The following NPR1 variants were observed in gnomAD, a reference collection of about 807,000 sequenced individuals.
The protein encoded by NPR1 is natriuretic peptide receptor 1.
NPR1 carries 57 observed loss-of-function variants against 116.9 expected under a neutral mutation model. That is an observed-to-expected ratio of 0.49 (90% CI 0.39 to 0.61). The LOEUF (loss-of-function observed/expected upper bound fraction) is 0.61, where lower values mean the gene tolerates loss of function less well. Ranked by LOEUF, NPR1 falls within the 20% of genes least tolerant of loss-of-function variation. NPR1 has a pLI of 0.00. For synonymous variants in NPR1, 555 were observed against 601.6 expected (o/e 0.92, Z 1.13); for missense variants, 1,096 against 1,409.8 (o/e 0.78, Z 3.56).
intron 20 of NPR1, among the ~76,000 whole-genome samples, 187 bp downstream of exon 20, chr1:153,690,569 C>G (rs777904790): frequency 6.6e-6 from 1 of 152,044 alleles, no homozygotes; most frequent in Non-Finnish European, 1.5e-5. Flanking sequence ...GACTCAGGTT[C>G]CTGCTGCCCC....
chr1:153,679,647 G>A lies in NPR1; in HGVS notation c.539G>A (p.Arg180His), dbSNP rs1669705529. 1 of 1,600,564 alleles carries A rather than the reference G, an allele frequency of 6.2e-7. No homozygotes were observed. The highest frequency in any genetic ancestry group is 2.3e-5 in the East Asian group (1 of 44,382). ...AALHRRLGWE[R>H]QALMLYAYRP... is the part of the protein sequence containing the mutation. ...CTGCACCGACGGCTGGGCTGGGAGC[G>A]CCAAGCGCTCATGCTCTACGCCTAC... is the stretch of plus-strand genomic sequence containing the variant. Residue 180 changes from arginine to histidine, a missense_variant, in exon 1 of 22, where the codon CGC becomes CAC. Arg to His is a conservative substitution (Grantham distance 29). Transcript: ENST00000368680. This position sits in a 1 kb window ranked among gnomAD's most constrained non-coding sequence, Gnocchi z 4.2.
chr1:153,692,234 T>C (rs1670126876), intron 20 of NPR1, among the ~76,000 whole-genome samples: 1 of 152,202 alleles, frequency 6.6e-6, no homozygotes, highest in East Asian at 1.9e-4. Flanking sequence ...ACTATCAGCA[T>C]TTTACAGATT....
chr1:153,679,485 G>T lies in NPR1; in HGVS notation c.377G>T (p.Gly126Val). ...PGCVYAAAPV[G>V]RFTAHWRVPL... ...TGCGTGTACGCCGCCGCCCCAGTGG[G>T]GCGCTTCACCGCGCACTGGCGGGTC... The change falls in exon 1 of 22, where the codon GGG becomes GTG. Residue 126 changes from glycine to valine, a missense_variant. Coordinates refer to ENST00000368680, the MANE Select transcript of NPR1 (RefSeq NM_000906.4). The surrounding 1 kb of genome is among the most constrained non-coding windows in gnomAD (Gnocchi z 4.2). 1 of 1,539,780 alleles carries T rather than the reference G, an allele frequency of 6.5e-7. No homozygotes were observed. The highest frequency in any genetic ancestry group is 1.4e-5 in the African/African-American group (1 of 73,034).
In NPR1 at chr1:153,678,994, CGCTCCT is replaced by C. The variant is rs1669678399; in HGVS notation, c.-108_-103del. On this transcript the variant is annotated 5_prime_UTR_variant, in exon 1 of 22. Coordinates refer to ENST00000368680, the MANE Select transcript of NPR1 (RefSeq NM_000906.4). This position sits in a 1 kb window ranked among gnomAD's most constrained non-coding sequence, Gnocchi z 5.8. ...AGCCCCGGGGTGAGCGTCCCCGTCC[CGCTCCT>C]GCTCCTTCCCATAGGGACGCGCCTG... The C allele has an allele frequency of 7.9e-7, 1 of 1,267,702 alleles. No homozygotes were observed. The highest frequency in any genetic ancestry group is 1.0e-6 in the Non-Finnish European group (1 of 983,130). 78.5% of individuals were successfully genotyped at this position (1,267,702 alleles called of 1,614,324 possible). A position where few individuals can be genotyped will look rare whatever the true frequency, so the allele number is the denominator to read the frequency against.
rs1008482036 is a variant in NPR1, at chr1:153,679,925, C to A, written c.721+96C>A. The A allele has an allele frequency of 2.0e-5, 29 of 1,429,038 alleles. No homozygotes were observed. The African/African-American group carries it at 4.2e-4, about 21-fold the overall frequency. 88.5% of individuals were successfully genotyped at this position (1,429,038 alleles called of 1,614,324 possible). On this transcript the variant is annotated intron_variant, in intron 1 of 21. Coordinates refer to ENST00000368680, the MANE Select transcript of NPR1 (RefSeq NM_000906.4). The surrounding 1 kb of genome is among the most constrained non-coding windows in gnomAD (Gnocchi z 4.2). ...GGACTTTCTCTCTCATCTGGGGGCA[C>A]TCTTCTTTCTCCTCGCCGTTCTTCA...
intron 8 of NPR1, 61 bp downstream of exon 8, chr1:153,685,145 G>A: frequency 6.3e-7 from 1 of 1,589,908 alleles, no homozygotes; most frequent in East Asian, 2.3e-5. Context: ...AAGGGGCAGT[G>A]CCTGAGGGAT....
At chr1:153,681,133 G>T (rs1226705524) in intron 2 of NPR1, 47 bp from the exon 3 acceptor site, 1 of 1,203,960 alleles carries the variant, frequency 8.3e-7, no homozygotes, top group South Asian at 1.2e-5. Context: ...CAGTACTAGG[G>T]AATAGTCAGC....
rs1044306776 is a variant in NPR1 at position 153,690,247 on chromosome 1, C to T, written c.2933-37C>T. 36 of 1,510,226 alleles carry T rather than the reference C, an allele frequency of 2.4e-5. No individual in the cohort carries two copies. In the East Asian group the frequency reaches 3.7e-4, roughly 15 times the overall value. 93.6% of individuals were successfully genotyped at this position (1,510,226 alleles called of 1,614,324 possible). A position where few individuals can be genotyped will look rare whatever the true frequency, so the allele number is the denominator to read the frequency against. ...CCTTAACACCCCTCCCTCCCTCACT[C>T]GCTGATGGGCTCTGCTCCTTCCCTT... On this transcript the variant is annotated intron_variant, in intron 19 of 21. Transcript: ENST00000368680.
chr1:153,687,144 G>C (rs1669953873), intron 12 of NPR1, 56 bp from the exon 13 acceptor site: 1 of 1,613,848 alleles, frequency 6.2e-7, no homozygotes, highest in Non-Finnish European at 8.5e-7. Context: ...TGCTTCTCCT[G>C]GCCACGGGTG....
intron 15 of NPR1, chr1:153,688,590 T>C (rs1463067219): frequency 4.9e-6 from 2 of 405,918 alleles, no homozygotes; most frequent in Middle Eastern, 6.9e-4. Context: ...TTGATTTCCC[T>C]TCCCCAGCGT....
chr1:153,680,645 G>T lies in NPR1; in HGVS notation c.866G>T (p.Arg289Leu). The T allele has an allele frequency of 3.7e-6, 6 of 1,614,098 alleles. No homozygotes were observed. The highest frequency in any genetic ancestry group is 5.1e-6 in the Non-Finnish European group (6 of 1,180,004). ...CAAGGTGGACAGGGCCCTGCTCCCC[G>T]CAGGCCCTGGGAGAGAGGGGATGGG... Reference protein sequence around the residue: ...SLQGGQGPAPRRPWERGDGQD... With the variant: ...SLQGGQGPAPLRPWERGDGQD... The change falls in exon 2 of 22, where the codon CGC becomes CTC. Residue 289 changes from arginine (R) to leucine (L), a missense_variant. By Grantham distance (102) the Arg-to-Leu change is moderately radical (BLOSUM62 -2). Coordinates refer to ENST00000368680, the MANE Select transcript of NPR1 (RefSeq NM_000906.4).
At chr1:153,687,522 A>G (rs1175366575) in intron 13 of NPR1, 112 bp from the exon 14 acceptor site, 3 of 1,479,672 alleles carry the variant, frequency 2.0e-6, no homozygotes, top group African/African-American at 2.8e-5. Flanking sequence ...GGCCTCCTCT[A>G]GCTCTAACAC....
chr1:153,684,899 T>C, intron 7 of NPR1, 65 bp from the exon 8 acceptor site: 1 of 1,599,874 alleles, frequency 6.3e-7, no homozygotes. Flanking sequence ...GAGGAGGGGC[T>C]GCTGAGCACC....
chr1:153,681,381 G>GTT (rs1168866627), intron 3 of NPR1, 88 bp downstream of exon 3: 4 of 793,820 alleles, frequency 5.0e-6, no homozygotes, highest in East Asian at 4.9e-5. Flanking sequence ...CCTATTCCCA[G>GTT]TTCTCCCCTT....
chr1:153,690,135 TCTCTCTCA>T (rs1438911815), intron 19 of NPR1, 141 bp from the exon 20 acceptor site: 21 of 592,936 alleles, frequency 3.5e-5, no homozygotes, highest in Admixed American at 9.5e-5. Context: ...TCTCTCTCTC[TCTCTCTCA>T]CACACACACA....
At position 153,687,074 on chromosome 1, in the gene NPR1, A is replaced by G. The variant is rs116775696; in HGVS notation, c.1922A>G (p.Asn641Ser). Residue 641 changes from asparagine to serine, a missense_variant, in exon 12 of 22, where the codon AAT (asparagine) becomes AGT (serine). Asn to Ser is a conservative substitution (Grantham distance 46). Coordinates refer to ENST00000368680, the MANE Select transcript of NPR1 (RefSeq NM_000906.4). ...TGGATGTTCCGGTACTCACTCACCA[A>G]TGACATCGTCAAGGTATGCCCCTAA... is the stretch of plus-strand genomic sequence containing the variant. ...LDWMFRYSLTNDIVKGMLFLH... is the reference protein window; with the variant it reads ...LDWMFRYSLTSDIVKGMLFLH... 6.4e-5 allele frequency: 103 copies of G among 1,614,116 alleles called. No individual in the cohort carries two copies. The African/African-American group carries it at 1.3e-3, about 20-fold the overall frequency.
chr1:153,683,016 G>T (rs1669825475), intron 5 of NPR1, among the ~76,000 whole-genome samples: 1 of 152,252 alleles, frequency 6.6e-6, no homozygotes, highest in African/African-American at 2.4e-5. Flanking sequence ...GCCTGCGAAT[G>T]TAGGCTAAGG....
At chr1:153,692,815 A>G (rs147691627) in intron 20 of NPR1, among the ~76,000 whole-genome samples, 24 of 152,174 alleles carry the variant, frequency 1.6e-4, no homozygotes, top group African/African-American at 4.6e-4. Flanking sequence ...ACCCAGCCTG[A>G]ATTTTTAACT....
intron 9 of NPR1, 75 bp from the exon 10 acceptor site, chr1:153,686,048 G>T: frequency 6.6e-7 from 1 of 1,511,818 alleles, no homozygotes; most frequent in Non-Finnish European, 9.1e-7. Context: ...GCAGGGATGG[G>T]CTGTCGGGAG....
Sources: allele counts gnomAD v4.1 joint callset (sites outside exome capture counted in the v4.1 genomes callset), GRCh38; gene constraint gnomAD v4.1.1; non-coding constraint Gnocchi (gnomAD v3.1); transcripts MANE v1.5; gene names NCBI Gene and HGNC (gene_info 2026-07-23, HGNC 2026-07-21).